The following STS variants were observed in gnomAD, a reference collection of about 807,000 sequenced individuals.
STS encodes steroid sulfatase, also known as steryl-sulfatase.
STS carries 7 observed loss-of-function variants against 26.8 expected under a neutral mutation model. That is an observed-to-expected ratio of 0.26 (90% CI 0.15 to 0.49). The LOEUF (loss-of-function observed/expected upper bound fraction) is 0.49, where lower values mean the gene tolerates loss of function less well. STS is among the 20% of genes least tolerant of loss of function. The probability of loss-of-function intolerance (pLI) is 0.98; values close to 1 mark genes in which losing one functional copy is unlikely to be tolerated. For synonymous variants in STS, 199 were observed against 189.4 expected, an observed-to-expected ratio of 1.05 and a Z score of -0.42; for missense variants, 434 against 465.6, an observed-to-expected ratio of 0.93 and a Z score of 0.63.
chrX:7,343,355 C>T (rs979460700), intron 10 of STS, among the ~76,000 whole-genome samples: 1 of 112,120 alleles, frequency 8.9e-6, no homozygotes, highest in East Asian at 2.8e-4. Context: ...ACATGTATTA[C>T]AGTAGCAACA....
At chrX:7,307,909 G>A (rs1926295464) in intron 8 of STS, among the ~76,000 whole-genome samples, 1 of 112,470 alleles carries the variant, frequency 8.9e-6, no homozygotes, top group Non-Finnish European at 1.9e-5. Context: ...GTTATCTGTA[G>A]TTATTACAGG....
chrX:7,199,333 CAAT>C (rs1408549887), intron 2 of STS, among the ~76,000 whole-genome samples: 4 of 111,580 alleles, frequency 3.6e-5, no homozygotes, highest in East Asian at 2.8e-4. Flanking sequence ...TCTAATTTTA[CAAT>C]AATAATCAGT....
intron 7 of STS, among the ~76,000 whole-genome samples, chrX:7,297,762 A>G (rs6639811): frequency 0.36 from 39,902 of 110,886 alleles, 5,308 homozygotes; most frequent in East Asian, 0.41. Flanking sequence ...GAGGCAGACA[A>G]ATTTGCATTT....
intron 7 of STS, among the ~76,000 whole-genome samples, chrX:7,280,546 G>T (rs750774548): frequency 8.9e-6 from 1 of 112,185 alleles, no homozygotes; most frequent in South Asian, 3.7e-4. Flanking sequence ...TATACAACAA[G>T]CATTTTGGAG....
intron 9 of STS, among the ~76,000 whole-genome samples, chrX:7,326,016 G>C (rs1215610673): frequency 8.9e-6 from 1 of 111,809 alleles, no homozygotes; most frequent in Non-Finnish European, 1.9e-5. Context: ...ATATTTTTAG[G>C]TTTGATGCTG....
chrX:7,171,104 A>T (rs927786979), intron 1 of STS, among the ~76,000 whole-genome samples: 5 of 111,263 alleles, frequency 4.5e-5, no homozygotes, highest in South Asian at 3.8e-4. Flanking sequence ...CTCCAAATCC[A>T]TCCTGGAGTG....
chrX:7,155,380 G>A (rs1933112131), intron 1 of STS, among the ~76,000 whole-genome samples: 1 of 111,856 alleles, frequency 8.9e-6, no homozygotes, highest in Non-Finnish European at 1.9e-5. Flanking sequence ...AAGTCAGCGT[G>A]ACACCAAACA....
intron 2 of STS, among the ~76,000 whole-genome samples, chrX:7,249,940 A>T (rs1923056510): frequency 9.0e-6 from 1 of 110,690 alleles, no homozygotes; most frequent in Non-Finnish European, 1.9e-5. Context: ...TAATTGGTTA[A>T]TTAATTAGAG....
chrX:7,279,258 C>T (rs765095707), intron 7 of STS, among the ~76,000 whole-genome samples: 5 of 95,504 alleles, frequency 5.2e-5, no homozygotes, highest in African/African-American at 2.1e-4. Context: ...GAGCCGAGAT[C>T]GCACCACTGT....
intron 8 of STS, among the ~76,000 whole-genome samples, chrX:7,322,070 A>G (rs1454744512): frequency 8.9e-6 from 1 of 112,727 alleles, no homozygotes; most frequent in African/African-American, 3.2e-5. Context: ...AAAGGCACAC[A>G]AATTTATTCA....
At chrX:7,212,397 G>A (rs1004649026) in intron 2 of STS, among the ~76,000 whole-genome samples, 5 of 111,410 alleles carry the variant, frequency 4.5e-5, no homozygotes, top group South Asian at 3.8e-4. Flanking sequence ...GCTTGAATCC[G>A]GGAGGCAGAG....
chrX:7,328,676 T>G (rs1471845750), intron 9 of STS, among the ~76,000 whole-genome samples: 1 of 109,083 alleles, frequency 9.2e-6, no homozygotes, highest in Non-Finnish European at 1.9e-5. Flanking sequence ...TCTCCTGCCT[T>G]AGCCTCCTGA....
intron 10 of STS, among the ~76,000 whole-genome samples, chrX:7,342,064 C>T (rs1928313322): frequency 9.0e-6 from 1 of 111,614 alleles, no homozygotes; most frequent in Non-Finnish European, 1.9e-5. Flanking sequence ...CACCCCGCCT[C>T]GGCCTCCCAA....
intron 9 of STS, among the ~76,000 whole-genome samples, chrX:7,332,977 A>G (rs1254542227): frequency 2.7e-5 from 3 of 112,279 alleles, no homozygotes; most frequent in Non-Finnish European, 5.6e-5. Context: ...CAACAAGGCT[A>G]TAATTACATT....
In STS at chrX:7,191,008, C is replaced by T. The variant is rs1182325765; in HGVS notation, c.-5C>T. 4.0e-6 allele frequency: 3 copies of T among 750,254 alleles called. No individual in the cohort carries two copies. Among genetic ancestry groups the T allele is most frequent in the African/African-American group, 2.3e-5 (1 of 42,799 alleles). 61.8% of individuals were successfully genotyped at this position (750,254 alleles called of 1,213,427 possible). On this transcript the variant is annotated splice_region_variant and 5_prime_UTR_variant, in exon 2 of 11. Transcript: ENST00000674429. The stretch of plus-strand genomic sequence containing the variant: ...CAAGATCGTCTTCAGCTGTTCATAG[C>T]GTAAGTATGAGAGGTGCATATGTTT...
intron 3 of STS, among the ~76,000 whole-genome samples, chrX:7,256,889 A>G (rs1601690697): frequency 8.9e-6 from 1 of 111,893 alleles, no homozygotes. Flanking sequence ...TTTCCCACAT[A>G]ACCCCAGACT....
At position 7,300,537 on chromosome X, in the gene STS, C is replaced by T. The variant is rs185109948; in HGVS notation, c.944-4509C>T. On this transcript the variant is annotated intron_variant, in intron 7 of 10. Coordinates refer to ENST00000674429, the MANE Select transcript of STS (RefSeq NM_001320752.2). Reference sequence around the variant, plus strand: ...ATCAATGTTATAAAAAATTAAATGTCGAATGGGCTCTGGGATTTACAAATG... The same window carrying T: ...ATCAATGTTATAAAAAATTAAATGTTGAATGGGCTCTGGGATTTACAAATG... 4.5e-5 allele frequency among the ~76,000 whole-genome samples: 5 copies of T among 111,804 alleles called. No individual in the cohort carries two copies. In the East Asian group the frequency reaches 1.1e-3, roughly 25 times the overall value.
chrX:7,258,943 G>C (rs977251327), intron 5 of STS, among the ~76,000 whole-genome samples: 6 of 110,375 alleles, frequency 5.4e-5, no homozygotes, highest in African/African-American at 2.0e-4. Flanking sequence ...TTTCTGTAGA[G>C]TGTGGTTTCC....
At chrX:7,197,276 C>A (rs1334206475) in intron 2 of STS, among the ~76,000 whole-genome samples, 1 of 111,880 alleles carries the variant, frequency 8.9e-6, no homozygotes, top group Admixed American at 9.5e-5. Flanking sequence ...TCTGACTTTG[C>A]AAACACATTG....
Sources: gnomAD v4.1 joint callset for allele counts (sites outside exome capture counted in the v4.1 genomes callset) on GRCh38, gnomAD v4.1.1 for gene constraint, MANE v1.5 for transcripts, NCBI Gene and HGNC (gene_info 2026-07-23, HGNC 2026-07-21) for gene names.